The following PLCG2 variants were observed in gnomAD, a reference collection of about 807,000 sequenced individuals.
The protein encoded by PLCG2 is 1-phosphatidylinositol 4,5-bisphosphate phosphodiesterase gamma-2.
PLCG2 carries 69 observed loss-of-function variants against 175.6 expected under a neutral mutation model. That is an observed-to-expected ratio of 0.39 (90% CI 0.32 to 0.48). The LOEUF is 0.48. Ranked by LOEUF, PLCG2 falls within the 20% of genes least tolerant of loss-of-function variation. PLCG2 has a pLI of 0.91. For missense variants in PLCG2, 1,798 were observed against 1,650.9 expected, an observed-to-expected ratio of 1.09 and a Z score of -1.54; for synonymous variants, 827 against 624.0, an observed-to-expected ratio of 1.33 and a Z score of -4.85.
intron 2 of PLCG2, among the ~76,000 whole-genome samples, chr16:81,808,640 C>T (rs1176878734): frequency 6.6e-6 from 1 of 152,088 alleles, no homozygotes; most frequent in Non-Finnish European, 1.5e-5. Context: ...ACTACAGGTG[C>T]CCGCCACCAC....
intron 28 of PLCG2, 129 bp downstream of exon 28, chr16:81,938,032 A>C: frequency 2.6e-6 from 2 of 773,114 alleles, no homozygotes; most frequent in Non-Finnish European, 4.1e-6. Flanking sequence ...ATCCCCATTC[A>C]GGCAGTGTTT....
chr16:81,877,705 C>G (rs774481012), intron 7 of PLCG2, among the ~76,000 whole-genome samples: 2 of 152,184 alleles, frequency 1.3e-5, no homozygotes, highest in Admixed American at 6.5e-5. Flanking sequence ...TGGCATTGCT[C>G]TTTGGTGTGC....
chr16:81,887,371 G>A (rs896952476), intron 9 of PLCG2, among the ~76,000 whole-genome samples: 1 of 151,926 alleles, frequency 6.6e-6, no homozygotes, highest in African/African-American at 2.4e-5. Context: ...CGCCCACCTC[G>A]GCCTCCCAAA....
intron 13 of PLCG2, among the ~76,000 whole-genome samples, chr16:81,899,803 C>A (rs1909066187): frequency 6.6e-6 from 1 of 152,206 alleles, no homozygotes; most frequent in Admixed American, 6.5e-5. Context: ...GCTGTGAGCC[C>A]AGTGTCAGTC....
In PLCG2 at chr16:81,908,454, G is replaced by C. The variant is rs1663889181; in HGVS notation, c.1596G>C (p.Trp532Cys). ...PPTELHFGEK[W>C]FHKKVEKRTS... ...CAGAACTACATTTTGGGGAGAAATG[G>C]TTCCACAAGAAGGTGGAGAAGAGGA... is the stretch of plus-strand genomic sequence containing the variant. Residue 532 changes from tryptophan (W) to cysteine (C), a missense_variant, in exon 17 of 33, where the codon TGG becomes TGC. Transcript: ENST00000564138. 7 of 1,614,124 alleles carry C rather than the reference G, an allele frequency of 4.3e-6. No homozygotes were observed. Among genetic ancestry groups the C allele is most frequent in the Non-Finnish European group, 5.1e-6 (6 of 1,179,996 alleles).
At chr16:81,883,045 G>T (rs1326409894) in intron 8 of PLCG2, among the ~76,000 whole-genome samples, 1 of 152,160 alleles carries the variant, frequency 6.6e-6, no homozygotes, top group Non-Finnish European at 1.5e-5. Context: ...AGACACCAGG[G>T]CCTGCCCCTT....
chr16:81,951,312 G>C (rs923193897), intron 31 of PLCG2, among the ~76,000 whole-genome samples: 2 of 151,866 alleles, frequency 1.3e-5, no homozygotes, highest in Admixed American at 1.3e-4. Flanking sequence ...AGAATAAAGA[G>C]GAAAAACATG....
chr16:81,828,484 C>T (rs1905134694), intron 2 of PLCG2, among the ~76,000 whole-genome samples: 1 of 152,024 alleles, frequency 6.6e-6, no homozygotes, highest in South Asian at 2.1e-4. Flanking sequence ...GTGATCCACC[C>T]ATCTCGGCCT....
chr16:81,750,219 C>A (rs1909780028), intron 1 of PLCG2, among the ~76,000 whole-genome samples: 1 of 152,044 alleles, frequency 6.6e-6, no homozygotes, highest in African/African-American at 2.4e-5. Context: ...ACCAGCTTGG[C>A]CAACATGGTG....
At chr16:81,886,796 A>G (rs1284104122) in intron 9 of PLCG2, among the ~76,000 whole-genome samples, 1 of 152,186 alleles carries the variant, frequency 6.6e-6, no homozygotes, top group Non-Finnish European at 1.5e-5. Flanking sequence ...TCAAGATGAG[A>G]CACCGTGTGG....
intron 2 of PLCG2, among the ~76,000 whole-genome samples, chr16:81,760,117 C>G (rs1194419414): frequency 6.6e-6 from 1 of 152,150 alleles, no homozygotes; most frequent in Non-Finnish European, 1.5e-5. Context: ...GGAGGCACAG[C>G]AGGAATTCAT....
rs1907656590 is a variant in PLCG2, at chr16:81,874,191, T to G, written c.648+3256T>G. Among the ~76,000 whole-genome samples, 3 of 152,340 alleles carry G rather than the reference T, an allele frequency of 2.0e-5. No homozygotes were observed. In the South Asian group the frequency reaches 6.2e-4, roughly 32 times the overall value. On this transcript the variant is annotated intron_variant, in intron 7 of 32. Coordinates refer to ENST00000564138, the MANE Select transcript of PLCG2 (RefSeq NM_002661.5). ...ATATTATATATTAAAATCTAGATAT[T>G]TGGCTTCCCTTAGGAAAAAAATCGA...
At chr16:81,883,422 G>C (rs566499206) in intron 9 of PLCG2, 81 bp downstream of exon 9, 1 of 1,164,794 alleles carries the variant, frequency 8.6e-7, no homozygotes, top group Admixed American at 1.8e-5. Context: ...TGCCGCCTGT[G>C]CTCACCTGGT....
At chr16:81,844,658 G>A (rs907539606) in intron 2 of PLCG2, among the ~76,000 whole-genome samples, 5 of 152,236 alleles carry the variant, frequency 3.3e-5, no homozygotes, top group East Asian at 1.9e-4. Flanking sequence ...CTAGGTGCTC[G>A]TGAACCTCGT....
chr16:81,946,046 C>T, intron 30 of PLCG2, 129 bp from the exon 31 acceptor site: 1 of 712,960 alleles, frequency 1.4e-6, no homozygotes, highest in African/African-American at 1.7e-5. Flanking sequence ...ACAAAGTCAG[C>T]CCCCAGCATG....
chr16:81,876,740 G>A (rs139052577), intron 7 of PLCG2, among the ~76,000 whole-genome samples: 1 of 152,212 alleles, frequency 6.6e-6, no homozygotes, highest in East Asian at 1.9e-4. Flanking sequence ...CTGGGATGTT[G>A]CCCAGAGTGA....
At chr16:81,942,586 C>T (rs1416524437) in intron 30 of PLCG2, among the ~76,000 whole-genome samples, 2 of 152,074 alleles carry the variant, frequency 1.3e-5, no homozygotes, top group African/African-American at 2.4e-5. Flanking sequence ...GGAAGGAAAG[C>T]AGCAGCCTTT....
At chr16:81,777,595 G>A (rs1484532905), upstream of PLCG2, among the ~76,000 whole-genome samples, 3 of 152,178 alleles carry the variant, frequency 2.0e-5, no homozygotes, top group Admixed American at 6.5e-5. Flanking sequence ...CTGTGGTGAT[G>A]AGCACAGCTA....
intron 2 of PLCG2, among the ~76,000 whole-genome samples, chr16:81,813,450 A>G (rs896872908): frequency 6.6e-6 from 1 of 152,112 alleles, no homozygotes; most frequent in Non-Finnish European, 1.5e-5. Context: ...ATGGGAGTTC[A>G]CTCATGATTT....
Sources: allele counts gnomAD v4.1 joint callset (sites outside exome capture counted in the v4.1 genomes callset), GRCh38; gene constraint gnomAD v4.1.1; transcripts MANE v1.5; gene names NCBI Gene and HGNC (gene_info 2026-07-23, HGNC 2026-07-21).